Variants in ZMAT3 observed in about 807,000 individuals in gnomAD.
The protein encoded by ZMAT3 is zinc finger matrin-type 3, also known as zinc finger matrin-type protein 3.
In ZMAT3, 17 loss-of-function variants were observed where a neutral mutation model predicts 32.3. That is an observed-to-expected ratio of 0.53 (90% CI 0.36 to 0.79). The LOEUF is 0.79. Ranked by LOEUF, ZMAT3 falls within the 30% of genes least tolerant of loss-of-function variation. The pLI, the probability that ZMAT3 is intolerant of heterozygous loss-of-function variation, is 0.00. For missense variants in ZMAT3, 329 were observed against 359.7 expected (o/e 0.91, Z 0.69); for synonymous variants, 120 against 133.1 (o/e 0.90, Z 0.68).
Position 179,018,755 on chromosome 3 carries a change from A to G in ZMAT3, c.*6262T>C, listed in dbSNP as rs188717875. 9.2e-5 allele frequency: 14 copies of G among 152,294 alleles called. No individual in the cohort carries two copies. The highest frequency in any genetic ancestry group is 3.4e-4 in the African/African-American group (14 of 41,570). 9.4% of individuals were successfully genotyped at this position (152,294 alleles called of 1,614,324 possible). On this transcript the variant is annotated 3_prime_UTR_variant, in exon 6 of 6. Coordinates refer to ENST00000311417, the MANE Select transcript of ZMAT3 (RefSeq NM_022470.4). The stretch of plus-strand genomic sequence containing the variant: ...CTAAAGATGGTTACTAAGGCTTACA[A>G]TTTCAACAACTCATTGTACAGTACA...
chr3:179,038,782 G>A (rs1341039663), intron 2 of ZMAT3, among the ~76,000 whole-genome samples: 1 of 152,216 alleles, frequency 6.6e-6, no homozygotes, highest in Non-Finnish European at 1.5e-5. Context: ...GAAGCCAAGA[G>A]GTCAGGGGAT....
At chr3:179,032,639 C>T (rs1021520705) in intron 2 of ZMAT3, among the ~76,000 whole-genome samples, 1 of 151,918 alleles carries the variant, frequency 6.6e-6, no homozygotes, top group Non-Finnish European at 1.5e-5. Flanking sequence ...TGAAGAGCAC[C>T]TCTGCCCGGC....
At chr3:179,029,041 T>A (rs1459047208) in intron 3 of ZMAT3, among the ~76,000 whole-genome samples, 1 of 151,184 alleles carries the variant, frequency 6.6e-6, no homozygotes, top group African/African-American at 2.4e-5. Context: ...GCACCTGTAA[T>A]CCCAGCTACT....
chr3:179,044,468 C>A (rs537292993), intron 2 of ZMAT3, among the ~76,000 whole-genome samples: 2 of 152,044 alleles, frequency 1.3e-5, no homozygotes, highest in Admixed American at 6.6e-5. Flanking sequence ...CATGATGAAA[C>A]CCTGTCTCTA....
In ZMAT3 at chr3:179,018,530, G is replaced by C. The variant is rs533345865; in HGVS notation, c.*6487C>G. The C allele has an allele frequency of 4.6e-5, 7 of 152,160 alleles. No homozygotes were observed. In the South Asian group the frequency reaches 1.5e-3, roughly 32 times the overall value. The allele number at this position is 152,160 out of a possible 1,614,324, so 9.4% of individuals were successfully genotyped here. Reference sequence around the variant, plus strand: ...AGTGTTCAGTTACTTTGGAAGCCATGAATTTTATCAAACACACACAAGAAT... The same window carrying C: ...AGTGTTCAGTTACTTTGGAAGCCATCAATTTTATCAAACACACACAAGAAT... On this transcript the variant is annotated 3_prime_UTR_variant, in exon 6 of 6. Transcript: ENST00000311417.
intron 2 of ZMAT3, among the ~76,000 whole-genome samples, chr3:179,053,751 C>T (rs1047747449): frequency 1.3e-5 from 2 of 152,138 alleles, no homozygotes; most frequent in Non-Finnish European, 2.9e-5. Flanking sequence ...TTTAATCAAA[C>T]ATCAAACAAG....
rs192182658 is a variant in ZMAT3, at chr3:179,047,997, C to T, written c.271-16998G>A. Among the ~76,000 whole-genome samples the T allele has an allele frequency of 3.6e-3, 549 of 152,224 alleles. 3 individuals are homozygous for T. Among genetic ancestry groups the T allele is most frequent in the African/African-American group, 0.012 (508 of 41,536 alleles). ...TCACAACTTCTGGAAATGAAGGACA[C>T]GCTCAGAGAAATGCAAAATGCACTG... On this transcript the variant is annotated intron_variant, in intron 2 of 5. Transcript: ENST00000311417.
In ZMAT3 at chr3:179,021,089, A is replaced by T. The variant is rs1178690705; in HGVS notation, c.*3928T>A. 2.6e-5 allele frequency: 4 copies of T among 152,328 alleles called. No individual in the cohort carries two copies. In the East Asian group the frequency reaches 5.8e-4, roughly 22 times the overall value. 9.4% of individuals were successfully genotyped at this position (152,328 alleles called of 1,614,324 possible). A position where few individuals can be genotyped will look rare whatever the true frequency, so the allele number is the denominator to read the frequency against. On this transcript the variant is annotated 3_prime_UTR_variant, in exon 6 of 6. Transcript: ENST00000311417. ...TTTTCTAAGTTTACCAACTAATTAA[A>T]AGGTCAGTGAAGAAGAGTTGGAGGA...
At chr3:179,032,258 C>T (rs1370531257) in intron 2 of ZMAT3, among the ~76,000 whole-genome samples, 1 of 151,830 alleles carries the variant, frequency 6.6e-6, no homozygotes, top group Admixed American at 6.6e-5. Flanking sequence ...CCAGCCTCGG[C>T]CTCCCGAGGT....
Position 179,034,316 on chromosome 3 carries a change from T to C in ZMAT3, c.271-3317A>G, listed in dbSNP as rs565882719. Among the ~76,000 whole-genome samples the C allele has an allele frequency of 7.2e-5, 11 of 152,284 alleles. No homozygotes were observed. The East Asian group carries it at 1.5e-3, about 21-fold the overall frequency. On this transcript the variant is annotated intron_variant, in intron 2 of 5. Coordinates refer to ENST00000311417, the MANE Select transcript of ZMAT3 (RefSeq NM_022470.4). ...TGCTTTTACCATGGTCACAGTGAAC[T>C]CCAGAGTCAAATCCAGTGGTCACAT...
In ZMAT3 at chr3:179,030,974, C is replaced by T. The variant is rs1560085115; in HGVS notation, c.296G>A (p.Arg99Gln). The T allele has an allele frequency of 1.2e-6, 2 of 1,613,002 alleles. No individual in the cohort carries two copies. The highest frequency in any genetic ancestry group is 1.7e-6 in the Non-Finnish European group (2 of 1,179,512). ...YQGKNHGKKL[R>Q]NYYAANSCPP... The stretch of plus-strand genomic sequence containing the variant: ...ACAGCTATTTGCTGCATAGTAATTT[C>T]GGAGTTTCTTACCATGATTTTTACC... Residue 99 changes from arginine (R) to glutamine (Q), a missense_variant, in exon 3 of 6, where the codon CGA (arginine) becomes CAA (glutamine). Transcript: ENST00000311417.
At chr3:179,045,268 T>C (rs1454038425) in intron 2 of ZMAT3, among the ~76,000 whole-genome samples, 1 of 152,136 alleles carries the variant, frequency 6.6e-6, no homozygotes, top group Non-Finnish European at 1.5e-5. Context: ...TTAAATACAT[T>C]ATGACCCAGG....
In ZMAT3 at chr3:179,027,449, T is replaced by C. The variant is rs1718930396; in HGVS notation, c.632A>G (p.Asn211Ser). The C allele has an allele frequency of 6.2e-6, 10 of 1,614,232 alleles. No homozygotes were observed. Among genetic ancestry groups the C allele is most frequent in the Non-Finnish European group, 8.5e-6 (10 of 1,180,044 alleles). ...TGAATTATTCTGTACTGTATACATA[T>C]TTCTCCTGTTAGGCATCATCTTAAA... ...NEFKMMPNRR[N>S]MYTVQNNSAG... The change falls in exon 5 of 6, where the codon AAT becomes AGT. Residue 211 changes from asparagine to serine, a missense_variant. By Grantham distance (46) the Asn-to-Ser change is conservative. Transcript: ENST00000311417.
Position 179,024,723 on chromosome 3 carries a change from T to G in ZMAT3, c.*294A>C, listed in dbSNP as rs1718765308. On this transcript the variant is annotated 3_prime_UTR_variant, in exon 6 of 6. Coordinates refer to ENST00000311417, the MANE Select transcript of ZMAT3 (RefSeq NM_022470.4). ...GTCAGGCTACTAGTTGACCAGAACT[T>G]GAGCAAGATAAAAAGTTATTTCTGA... 3.3e-6 allele frequency: 1 copy of G among 306,320 alleles called. No homozygotes were observed. The highest frequency in any genetic ancestry group is 5.9e-5 in the East Asian group (1 of 17,064). 19.0% of individuals were successfully genotyped at this position (306,320 alleles called of 1,614,324 possible). A position where few individuals can be genotyped will look rare whatever the true frequency, so the allele number is the denominator to read the frequency against.
rs368973556 is a variant in ZMAT3, at chr3:179,067,676, C to G, written c.77G>C (p.Arg26Thr). 7.4e-6 allele frequency: 12 copies of G among 1,614,034 alleles called. No individual in the cohort carries two copies. The highest frequency in any genetic ancestry group is 1.0e-5 in the Non-Finnish European group (12 of 1,180,022). Residue 26 changes from arginine (R) to threonine (T), a missense_variant, in exon 2 of 6, where the codon AGG (arginine) becomes ACG (threonine). Transcript: ENST00000311417. ...SPSPPMSVATRSTGTLQLPPQ... is the reference protein window; with the variant it reads ...SPSPPMSVATTSTGTLQLPPQ... ...TGGAAGCTGCAAGGTTCCTGTAGAC[C>G]TGGTGGCCACTGACATAGGAGGCGA...
At chr3:179,032,356 C>A (rs1719300945) in intron 2 of ZMAT3, among the ~76,000 whole-genome samples, 1 of 151,998 alleles carries the variant, frequency 6.6e-6, no homozygotes, top group South Asian at 2.1e-4. Context: ...TTGCTACAAC[C>A]TCCACCTCCC....
upstream of ZMAT3, among the ~76,000 whole-genome samples, chr3:179,072,431 G>A (rs886299576): frequency 2.6e-5 from 4 of 152,098 alleles, no homozygotes; most frequent in Admixed American, 2.0e-4. Flanking sequence ...TGCAAGACAG[G>A]AAGGACCAGG....
At chr3:179,027,874 T>C (rs1718966984) in intron 3 of ZMAT3, 62 bp from the exon 4 acceptor site, 3 of 1,510,672 alleles carry the variant, frequency 2.0e-6, no homozygotes, top group South Asian at 2.7e-5. Context: ...CTCCTTCTCC[T>C]CAAAGGTCTT....
In ZMAT3 at chr3:179,022,241, C is replaced by G. The variant is rs532120816; in HGVS notation, c.*2776G>C. The G allele has an allele frequency of 6.6e-6, 1 of 152,286 alleles. No homozygotes were observed. The highest frequency in any genetic ancestry group is 2.4e-5 in the African/African-American group (1 of 41,568). The allele number at this position is 152,286 out of a possible 1,614,324, so 9.4% of individuals were successfully genotyped here. ...CAAGCCCTTAAGTCGGCTGCTTTTT[C>G]TACGTATATAATGAAATTGTTAAGT... On this transcript the variant is annotated 3_prime_UTR_variant, in exon 6 of 6. Coordinates refer to ENST00000311417, the MANE Select transcript of ZMAT3 (RefSeq NM_022470.4).
Sources: gnomAD v4.1 joint callset for allele counts (sites outside exome capture counted in the v4.1 genomes callset) on GRCh38, gnomAD v4.1.1 for gene constraint, MANE v1.5 for transcripts, NCBI Gene and HGNC (gene_info 2026-07-23, HGNC 2026-07-21) for gene names.